Variants in MED15 observed in about 807,000 individuals in gnomAD.
MED15 encodes mediator complex subunit 15.
Under a neutral mutation model 118.7 loss-of-function variants are expected in MED15, and 41 were observed. That is an observed-to-expected ratio of 0.35 (90% CI 0.27 to 0.45). The LOEUF is 0.45. Ranked by LOEUF, MED15 falls within the 20% of genes least tolerant of loss-of-function variation. The pLI is 1.00. For synonymous variants in MED15, 436 were observed against 413.9 expected, an observed-to-expected ratio of 1.05 and a Z score of -0.65; for missense variants, 740 against 1,025.5, an observed-to-expected ratio of 0.72 and a Z score of 3.80.
At chr22:20,566,295 C>T (rs535866593) in intron 6 of MED15, among the ~76,000 whole-genome samples, 172 bp from the exon 7 acceptor site, 1 of 152,280 alleles carries the variant, frequency 6.6e-6, no homozygotes, top group Admixed American at 6.5e-5. Context: ...CCGCCTCGGC[C>T]TCCCAAAGTG....
rs940090652 is a variant in MED15, at chr22:20,545,868, G to A, written c.157-5568G>A. 3.3e-5 allele frequency among the ~76,000 whole-genome samples: 5 copies of A among 152,162 alleles called. No homozygotes were observed. The East Asian group carries it at 9.6e-4, about 29-fold the overall frequency. On this transcript the variant is annotated intron_variant, in intron 2 of 17. Transcript: ENST00000263205. ...AAACTCTGAGACATGAAAGCACAGA[G>A]GCGTCATATTCCTCTAATCTGGAGT...
At chr22:20,524,175 A>C (rs937029937) in intron 1 of MED15, 10 of 152,258 alleles carry the variant, frequency 6.6e-5, no homozygotes, top group African/African-American at 2.4e-4. Context: ...ATGTGCTCCC[A>C]GCTGCCTGAG....
Position 20,573,000 on chromosome 22 carries a change from G to A in MED15, c.1153-2113G>A, listed in dbSNP as rs553649085. Among the ~76,000 whole-genome samples the A allele has an allele frequency of 1.3e-4, 19 of 145,084 alleles. 1 individual carries two copies. The highest frequency in any genetic ancestry group is 3.8e-4 in the African/African-American group (15 of 39,234). On this transcript the variant is annotated intron_variant, in intron 8 of 17. Coordinates refer to ENST00000263205, the MANE Select transcript of MED15 (RefSeq NM_001003891.3). ...TTTTTTTTTAAAGACAGAGTCTCTT[G>A]CTCTGTCACCCAGGCTGGAGTGCAA... is the stretch of plus-strand genomic sequence containing the variant.
chr22:20,539,718 A>G (rs372784729), intron 2 of MED15, among the ~76,000 whole-genome samples: 26 of 152,150 alleles, frequency 1.7e-4, no homozygotes, highest in East Asian at 3.9e-4. Flanking sequence ...TGAGGTTTCA[A>G]TTTCTCCTCA....
intron 13 of MED15, 39 bp downstream of exon 13, chr22:20,583,432 C>T: frequency 6.2e-7 from 1 of 1,607,614 alleles, no homozygotes; most frequent in Non-Finnish European, 8.5e-7. Flanking sequence ...TCCACAAGGG[C>T]ACAGATAGCC....
intron 1 of MED15, among the ~76,000 whole-genome samples, chr22:20,531,722 C>G (rs569524924): frequency 2.0e-5 from 3 of 152,388 alleles, no homozygotes; most frequent in Non-Finnish European, 2.9e-5. Flanking sequence ...GCAGTGATGA[C>G]TGCCCACTGC....
At chr22:20,582,222 C>G in intron 9 of MED15, 1 of 315,020 alleles carries the variant, frequency 3.2e-6, no homozygotes, top group Non-Finnish European at 5.9e-6. Flanking sequence ...GAGCAGGGTC[C>G]TCACCGACCC....
chr22:20,580,041 A>G (rs1236714125), intron 9 of MED15, among the ~76,000 whole-genome samples: 1 of 152,094 alleles, frequency 6.6e-6, no homozygotes. Flanking sequence ...ACCTGGGCAC[A>G]GGGCCTGGCT....
chr22:20,532,656 G>T (rs2054904719), intron 1 of MED15, among the ~76,000 whole-genome samples: 1 of 152,200 alleles, frequency 6.6e-6, no homozygotes, highest in South Asian at 2.1e-4. Context: ...CAACCAGGGA[G>T]TGGCCCCCAG....
intron 1 of MED15, among the ~76,000 whole-genome samples, chr22:20,525,629 C>T (rs1287606728): frequency 1.3e-4 from 20 of 150,764 alleles, no homozygotes; most frequent in Non-Finnish European, 2.2e-4. Context: ...CTCCACCTCC[C>T]GGGTTCAAGT....
At chr22:20,554,818 G>A (rs1469987545) in intron 4 of MED15, 118 bp from the exon 5 acceptor site, 3 of 985,750 alleles carry the variant, frequency 3.0e-6, no homozygotes, top group African/African-American at 3.2e-5. Context: ...GCTTGGGGCT[G>A]TGAGGGGATT....
At chr22:20,535,872 CT>C (rs536712415) in intron 1 of MED15, among the ~76,000 whole-genome samples, 4,589 of 98,312 alleles carry the variant, frequency 0.047, 113 homozygotes, top group East Asian at 0.25. Flanking sequence ...TTCTTTCTTT[CT>C]TTTTTTTTTT....
intron 9 of MED15, among the ~76,000 whole-genome samples, chr22:20,578,773 C>A (rs1037269775): frequency 6.6e-6 from 1 of 152,242 alleles, no homozygotes; most frequent in Non-Finnish European, 1.5e-5. Context: ...AGGACACAGT[C>A]TGGAGACTAC....
chr22:20,566,897 A>G (rs1425351801), intron 7 of MED15, 80 bp downstream of exon 7: 4 of 1,567,084 alleles, frequency 2.6e-6, no homozygotes, highest in Non-Finnish European at 2.6e-6. Flanking sequence ...TTGGCTAGAG[A>G]TAGCATATCC....
chr22:20,538,943 C>T (rs558582635), intron 2 of MED15, among the ~76,000 whole-genome samples: 133 of 152,164 alleles, frequency 8.7e-4, no homozygotes, highest in African/African-American at 2.7e-3. Context: ...TCAGGTGATC[C>T]GCCCGCCTCA....
intron 1 of MED15, among the ~76,000 whole-genome samples, chr22:20,511,812 C>A (rs147198113): frequency 1.3e-4 from 20 of 152,136 alleles, no homozygotes; most frequent in African/African-American, 1.7e-4. Flanking sequence ...AGGGTGAGGC[C>A]TAAAGTGTAG....
At chr22:20,511,770 G>A (rs913906030) in intron 1 of MED15, among the ~76,000 whole-genome samples, 1 of 152,042 alleles carries the variant, frequency 6.6e-6, no homozygotes, top group Non-Finnish European at 1.5e-5. Context: ...TCTCTTCCCA[G>A]TCCCATCCTT....
chr22:20,575,840 A>C (rs1351698206), intron 9 of MED15, among the ~76,000 whole-genome samples: 2 of 152,170 alleles, frequency 1.3e-5, no homozygotes, highest in Non-Finnish European at 2.9e-5. Flanking sequence ...GCACCAAATA[A>C]ATTTTAAGCC....
intron 7 of MED15, among the ~76,000 whole-genome samples, chr22:20,568,047 C>T (rs1305795011): frequency 6.6e-6 from 1 of 152,156 alleles, no homozygotes; most frequent in Non-Finnish European, 1.5e-5. Context: ...GGCCGTGTTG[C>T]CCAGGCTAGT....
Sources: allele counts gnomAD v4.1 joint callset (sites outside exome capture counted in the v4.1 genomes callset), GRCh38; gene constraint gnomAD v4.1.1; transcripts MANE v1.5; gene names NCBI Gene and HGNC (gene_info 2026-07-23, HGNC 2026-07-21).